The following GNA12 variants were observed in gnomAD, a reference collection of about 807,000 sequenced individuals.
The protein encoded by GNA12 is G protein subunit alpha 12.
Under a neutral mutation model 26.0 loss-of-function variants are expected in GNA12, and 9 were observed. That is an observed-to-expected ratio of 0.35 (90% CI 0.21 to 0.60). The LOEUF is 0.60. Among genes scored for constraint, GNA12 ranks in the 20% least tolerant of loss-of-function variants. The probability of loss-of-function intolerance (pLI) is 0.78; values close to 1 mark genes in which losing one functional copy is unlikely to be tolerated. For synonymous variants in GNA12, 264 were observed against 219.6 expected (o/e 1.20, Z -1.79); for missense variants, 405 against 525.8 (o/e 0.77, Z 2.25).
intron 1 of GNA12, among the ~76,000 whole-genome samples, chr7:2,841,290 C>T (rs1389750263): frequency 6.6e-6 from 1 of 152,214 alleles, no homozygotes; most frequent in African/African-American, 2.4e-5. Flanking sequence ...TTCTAACACG[C>T]ACTTCATACA....
chr7:2,787,556 A>C (rs1792393570), intron 2 of GNA12, among the ~76,000 whole-genome samples: 1 of 152,042 alleles, frequency 6.6e-6, no homozygotes, highest in East Asian at 1.9e-4. Flanking sequence ...CCAGGCACCC[A>C]CCATCTTCTG....
chr7:2,760,005 AG>A (rs1791482170), intron 2 of GNA12, among the ~76,000 whole-genome samples: 1 of 152,258 alleles, frequency 6.6e-6, no homozygotes, highest in Admixed American at 6.5e-5. Flanking sequence ...TAAAAATGAC[AG>A]GAACACTCAG....
rs545128142 is a variant in GNA12 at position 2,831,695 on chromosome 7, GCC to G, written c.309+12156_309+12157del. On this transcript the variant is annotated intron_variant, in intron 1 of 3. Transcript: ENST00000275364. ...TGGGATTACAGGCATGAACCACCGC[GCC>G]CCGCCTGGAACTTCATTTTCTTAAA... Among the ~76,000 whole-genome samples, 945 of 152,086 alleles carry G rather than the reference GCC, an allele frequency of 6.2e-3. 6 individuals are homozygous for G. The highest frequency in any genetic ancestry group is 9.3e-3 in the Non-Finnish European group (630 of 68,004).
intron 2 of GNA12, among the ~76,000 whole-genome samples, chr7:2,735,240 C>A (rs1316010838): frequency 6.6e-6 from 1 of 152,256 alleles, no homozygotes; most frequent in Non-Finnish European, 1.5e-5. Flanking sequence ...CTGTCCCTCC[C>A]TCTCCTGTGG....
intron 2 of GNA12, among the ~76,000 whole-genome samples, chr7:2,791,744 C>CT (rs1296382111): frequency 1.3e-5 from 2 of 152,058 alleles, no homozygotes; most frequent in African/African-American, 4.8e-5. Flanking sequence ...GGGAGGGAGC[C>CT]CTGGTAACGG....
At chr7:2,824,088 T>A (rs190616785) in intron 1 of GNA12, among the ~76,000 whole-genome samples, 306 of 152,306 alleles carry the variant, frequency 2.0e-3, no homozygotes, top group Middle Eastern at 3.4e-3. Flanking sequence ...ATTTTCAACA[T>A]CAACACTTTC....
chr7:2,829,834 C>T (rs749049621), intron 1 of GNA12, among the ~76,000 whole-genome samples: 1 of 152,196 alleles, frequency 6.6e-6, no homozygotes, highest in Non-Finnish European at 1.5e-5. Flanking sequence ...TTTCCTGATT[C>T]TGTTTCTACC....
intron 1 of GNA12, among the ~76,000 whole-genome samples, chr7:2,821,682 A>C (rs1403914238): frequency 6.6e-6 from 1 of 152,184 alleles, no homozygotes; most frequent in African/African-American, 2.4e-5. Context: ...TTAGCAAGAC[A>C]GTGATGAACA....
intron 1 of GNA12, among the ~76,000 whole-genome samples, chr7:2,806,444 CGA>C (rs1237695839): frequency 8.7e-6 from 1 of 114,652 alleles, no homozygotes; most frequent in Non-Finnish European, 1.6e-5. Flanking sequence ...GGGGATAGAG[CGA>C]GACTCTGTCT....
intron 2 of GNA12, among the ~76,000 whole-genome samples, chr7:2,767,149 C>T (rs941776059): frequency 1.3e-5 from 2 of 152,218 alleles, no homozygotes; most frequent in African/African-American, 4.8e-5. Context: ...ACTCTTTTCA[C>T]ATATATGATT....
intron 1 of GNA12, among the ~76,000 whole-genome samples, chr7:2,833,613 C>T (rs1182181): frequency 6.6e-6 from 1 of 152,012 alleles, no homozygotes; most frequent in Non-Finnish European, 1.5e-5. Context: ...AGTTAGCTGA[C>T]GGAAAAAGAT....
chr7:2,736,170 A>G (rs1790163818), intron 2 of GNA12, among the ~76,000 whole-genome samples: 1 of 152,232 alleles, frequency 6.6e-6, no homozygotes, highest in African/African-American at 2.4e-5. Context: ...TGCATGTGGC[A>G]GAAACTGAGA....
chr7:2,811,490 A>G (rs1354247945), intron 1 of GNA12, among the ~76,000 whole-genome samples: 1 of 152,202 alleles, frequency 6.6e-6, no homozygotes, highest in African/African-American at 2.4e-5. Context: ...TCTTACTCAG[A>G]TAACTTTATG....
In GNA12 at chr7:2,785,995, A is replaced by G. The variant is rs952984821; in HGVS notation, c.525+8933T>C. 5.9e-5 allele frequency among the ~76,000 whole-genome samples: 9 copies of G among 152,244 alleles called. No homozygotes were observed. The South Asian group carries it at 6.2e-4, about 11-fold the overall frequency. The stretch of plus-strand genomic sequence containing the variant: ...GGCAGGACAATCGCTTGAACCCAGG[A>G]GGTGAAGGTTGCAGTGAGCTGAGAT... On this transcript the variant is annotated intron_variant, in intron 2 of 3. Transcript: ENST00000275364.
At chr7:2,760,165 C>T (rs530113744) in intron 2 of GNA12, among the ~76,000 whole-genome samples, 5 of 152,344 alleles carry the variant, frequency 3.3e-5, no homozygotes, top group East Asian at 3.9e-4. Context: ...TTCTTCCCAT[C>T]GCCCGCCTCT....
intron 1 of GNA12, among the ~76,000 whole-genome samples, chr7:2,836,426 G>A (rs1778840294): frequency 6.6e-6 from 1 of 152,232 alleles, no homozygotes; most frequent in Admixed American, 6.5e-5. Flanking sequence ...CTCAGGACTT[G>A]AGGGATGACA....
intron 2 of GNA12, among the ~76,000 whole-genome samples, chr7:2,740,404 G>A (rs1243987163): frequency 1.3e-5 from 2 of 152,234 alleles, no homozygotes; most frequent in South Asian, 2.1e-4. Flanking sequence ...TCCTATGTGA[G>A]GCACCAGGAC....
At chr7:2,840,880 A>C (rs776678935) in intron 1 of GNA12, among the ~76,000 whole-genome samples, 11 of 152,054 alleles carry the variant, frequency 7.2e-5, no homozygotes, top group Admixed American at 3.3e-4. Flanking sequence ...AAAATAAAAT[A>C]GTCTCTTCTC....
chr7:2,818,085 G>A (rs1039282656), intron 1 of GNA12, among the ~76,000 whole-genome samples: 11 of 152,146 alleles, frequency 7.2e-5, no homozygotes, highest in Non-Finnish European at 1.3e-4. Flanking sequence ...CAATGAACAC[G>A]GAATGACTCC....
Sources: allele counts gnomAD v4.1 joint callset (sites outside exome capture counted in the v4.1 genomes callset), GRCh38; gene constraint gnomAD v4.1.1; transcripts MANE v1.5; gene names NCBI Gene and HGNC (gene_info 2026-07-23, HGNC 2026-07-21).